The following B3GALT1 variants were observed in gnomAD, a reference collection of about 807,000 sequenced individuals.
The protein encoded by B3GALT1 is beta-1,3-galactosyltransferase 1, also known as UDP-Gal:betaGlcNAc beta 1,3-galactosyltransferase, polypeptide 1.
A neutral mutation model predicts 23.2 loss-of-function variants in B3GALT1; 10 were observed. The observed-to-expected ratio is 0.43, with a 90% confidence interval of 0.27 to 0.73. The LOEUF is 0.73. Among genes scored for constraint, B3GALT1 ranks in the 30% least tolerant of loss-of-function variants. The pLI, the probability that B3GALT1 is intolerant of heterozygous loss-of-function variation, is 0.21. For missense variants in B3GALT1, 299 were observed against 405.4 expected, an observed-to-expected ratio of 0.74 and a Z score of 2.25; for synonymous variants, 156 against 141.5, an observed-to-expected ratio of 1.10 and a Z score of -0.73.
At chr2:167,293,410 G>T (rs1283469886) in intron 1 of B3GALT1, 76 bp downstream of exon 1, 1 of 152,448 alleles carries the variant, frequency 6.6e-6, no homozygotes, top group Non-Finnish European at 1.5e-5. Context: ...GAGGCGCGTG[G>T]TGGCCGGGGC....
intron 4 of B3GALT1, among the ~76,000 whole-genome samples, chr2:167,842,935 CATTT>C (rs1333201286): frequency 2.3e-4 from 35 of 152,220 alleles, no homozygotes; most frequent in African/African-American, 7.2e-4. Context: ...GCCTTTCTGA[CATTT>C]ATTTCTTTCA....
At position 167,868,875 on chromosome 2, in the gene B3GALT1, G is replaced by C; in HGVS notation, c.-165G>C. Reference sequence around the variant, plus strand: ...AGATTTGGAAGAAAGTAGAATGAGCGCAGAGGTGACAGACAGCCACTGAGG... The same window carrying C: ...AGATTTGGAAGAAAGTAGAATGAGCCCAGAGGTGACAGACAGCCACTGAGG... On this transcript the variant is annotated 5_prime_UTR_variant, in exon 5 of 5. Transcript: ENST00000392690. 1.4e-6 allele frequency: 1 copy of C among 729,742 alleles called. No individual in the cohort carries two copies. The highest frequency in any genetic ancestry group is 2.2e-6 in the Non-Finnish European group (1 of 454,950). 45.2% of individuals were successfully genotyped at this position (729,742 alleles called of 1,614,324 possible).
intron 3 of B3GALT1, among the ~76,000 whole-genome samples, chr2:167,692,372 C>T (rs1187463392): frequency 2.0e-5 from 3 of 152,086 alleles, no homozygotes; most frequent in Non-Finnish European, 4.4e-5. Context: ...CCTTTCTATT[C>T]CATGGCCTTT....
chr2:167,639,035 A>C (rs1042322566), intron 2 of B3GALT1, among the ~76,000 whole-genome samples: 2 of 152,050 alleles, frequency 1.3e-5, no homozygotes, highest in Admixed American at 1.3e-4. Context: ...TACTTTCACA[A>C]GTTTGAACTT....
chr2:167,592,333 A>G (rs116282836), intron 2 of B3GALT1, among the ~76,000 whole-genome samples: 1,627 of 152,228 alleles, frequency 0.011, 34 homozygotes, highest in African/African-American at 0.037. Context: ...CCCTAATCTA[A>G]GAGGATCTCT....
chr2:167,302,728 T>C (rs1313047641), intron 1 of B3GALT1, among the ~76,000 whole-genome samples: 1 of 152,180 alleles, frequency 6.6e-6, no homozygotes, highest in African/African-American at 2.4e-5. Flanking sequence ...CAAGCTTAAA[T>C]TGAGACAATA....
At chr2:167,454,122 TATATTTGA>T (rs1313800364) in intron 1 of B3GALT1, among the ~76,000 whole-genome samples, 1 of 152,250 alleles carries the variant, frequency 6.6e-6, no homozygotes, top group Non-Finnish European at 1.5e-5. Context: ...TGTATATTTG[TATATTTGA>T]ATATTTGTAT....
At chr2:167,765,866 G>C (rs1459674116) in intron 3 of B3GALT1, among the ~76,000 whole-genome samples, 1 of 152,094 alleles carries the variant, frequency 6.6e-6, no homozygotes, top group Non-Finnish European at 1.5e-5. Flanking sequence ...GCACTCTCTT[G>C]AGGCTTTCCT....
intron 3 of B3GALT1, among the ~76,000 whole-genome samples, chr2:167,740,424 C>G (rs1017684190): frequency 5.9e-5 from 9 of 152,024 alleles, no homozygotes; most frequent in African/African-American, 2.2e-4. Context: ...TGTCTTTGGC[C>G]CAGCTGGCAT....
intron 4 of B3GALT1, among the ~76,000 whole-genome samples, chr2:167,834,050 C>A (rs1247883654): frequency 4.6e-5 from 7 of 152,080 alleles, no homozygotes; most frequent in African/African-American, 1.4e-4. Flanking sequence ...AGATTCTTAT[C>A]TAAAAAAGGA....
chr2:167,500,285 A>C (rs1228903009), intron 2 of B3GALT1, among the ~76,000 whole-genome samples: 1 of 152,166 alleles, frequency 6.6e-6, no homozygotes, highest in African/African-American at 2.4e-5. Flanking sequence ...AAGGCAAGAA[A>C]ATTTATTTAG....
chr2:167,797,759 A>AG (rs1485472922), intron 3 of B3GALT1, among the ~76,000 whole-genome samples: 2 of 152,102 alleles, frequency 1.3e-5, no homozygotes, highest in Non-Finnish European at 2.9e-5. Flanking sequence ...CCCAGGCTGG[A>AG]GTGCAGTGGC....
intron 2 of B3GALT1, among the ~76,000 whole-genome samples, chr2:167,642,621 A>G (rs1685672772): frequency 6.6e-6 from 1 of 152,172 alleles, no homozygotes; most frequent in Admixed American, 6.5e-5. Context: ...TCATGCCTAT[A>G]ATCCCAGCAC....
At chr2:167,619,275 G>A (rs1018052920) in intron 2 of B3GALT1, among the ~76,000 whole-genome samples, 1 of 151,794 alleles carries the variant, frequency 6.6e-6, no homozygotes, top group Non-Finnish European at 1.5e-5. Context: ...CCCATTGAAT[G>A]CCCTCTTAGC....
At chr2:167,344,792 A>T (rs1345579894) in intron 1 of B3GALT1, among the ~76,000 whole-genome samples, 1 of 152,194 alleles carries the variant, frequency 6.6e-6, no homozygotes, top group Non-Finnish European at 1.5e-5. Context: ...AAGTTCAGAG[A>T]ATGTTGGAAA....
At position 167,870,036 on chromosome 2, in the gene B3GALT1, A is replaced by C. The variant is rs752406848; in HGVS notation, c.*16A>C. 92 of 1,562,782 alleles carry C rather than the reference A, an allele frequency of 5.9e-5. No individual in the cohort carries two copies. In the Middle Eastern group the frequency reaches 8.5e-4, roughly 14 times the overall value. On this transcript the variant is annotated 3_prime_UTR_variant, in exon 5 of 5. Coordinates refer to ENST00000392690, the MANE Select transcript of B3GALT1 (RefSeq NM_020981.4). ...CAGATGTTAGGATTTTTACCAATGT[A>C]AATATGTTTCTTTTCTTTTTTTAAG...
At chr2:167,429,977 T>G (rs1698684346) in intron 1 of B3GALT1, among the ~76,000 whole-genome samples, 1 of 152,224 alleles carries the variant, frequency 6.6e-6, no homozygotes, top group African/African-American at 2.4e-5. Flanking sequence ...TCAAAATCCC[T>G]GCACACAGAG....
intron 1 of B3GALT1, among the ~76,000 whole-genome samples, chr2:167,454,871 C>T (rs1699145670): frequency 6.6e-6 from 1 of 152,122 alleles, no homozygotes; most frequent in Non-Finnish European, 1.5e-5. Context: ...TGAATGCCTG[C>T]CACTTTCCAG....
At chr2:167,804,768 A>G (rs889133141) in intron 3 of B3GALT1, among the ~76,000 whole-genome samples, 9 of 152,120 alleles carry the variant, frequency 5.9e-5, no homozygotes, top group African/African-American at 2.2e-4. Flanking sequence ...GCTATTGTGA[A>G]TAGTGCCGCA....
Sources: allele counts gnomAD v4.1 joint callset (sites outside exome capture counted in the v4.1 genomes callset), GRCh38; gene constraint gnomAD v4.1.1; transcripts MANE v1.5; gene names NCBI Gene and HGNC (gene_info 2026-07-23, HGNC 2026-07-21).